The following NAA15 variants were observed in gnomAD, a reference collection of about 807,000 sequenced individuals.
NAA15 encodes the protein N-alpha-acetyltransferase 15, NatA auxiliary subunit, also known as N-terminal acetyltransferase.
In NAA15, 34 loss-of-function variants were observed where a neutral mutation model predicts 114.0. The ratio of observed to expected loss-of-function variants is 0.30; its 90% confidence interval spans 0.23 to 0.40. The LOEUF (loss-of-function observed/expected upper bound fraction) is 0.40. Ranked by LOEUF, NAA15 falls within the 10% of genes least tolerant of loss-of-function variation. NAA15 has a pLI of 1.00. For synonymous variants in NAA15, 340 were observed against 338.0 expected, an observed-to-expected ratio of 1.01 and a Z score of -0.06; for missense variants, 658 against 1,004.5, an observed-to-expected ratio of 0.66 and a Z score of 4.66.
intron 1 of NAA15, 74 bp downstream of exon 1, chr4:139,301,905 C>T: frequency 6.7e-7 from 1 of 1,490,432 alleles, no homozygotes; most frequent in Non-Finnish European, 9.1e-7. Flanking sequence ...TAACCTCGGC[C>T]CGGCGGGCAC....
intron 15 of NAA15, among the ~76,000 whole-genome samples, chr4:139,373,112 G>T (rs987768970): frequency 1.3e-5 from 2 of 151,996 alleles, no homozygotes; most frequent in African/African-American, 4.8e-5. Context: ...AAACTCTTGG[G>T]CTCAAGGGAT....
intron 1 of NAA15, among the ~76,000 whole-genome samples, chr4:139,312,950 G>C (rs1746269071): frequency 6.6e-6 from 1 of 151,920 alleles, no homozygotes; most frequent in African/African-American, 2.4e-5. Flanking sequence ...TCTTTGGTTA[G>C]TATAATATGA....
At chr4:139,362,609 A>G (rs1369720907) in intron 14 of NAA15, among the ~76,000 whole-genome samples, 2 of 152,154 alleles carry the variant, frequency 1.3e-5, no homozygotes, top group East Asian at 1.9e-4. Flanking sequence ...CCTCTTTTTA[A>G]TAGTAATTTA....
chr4:139,309,985 C>G (rs564419486), intron 1 of NAA15, among the ~76,000 whole-genome samples: 2 of 152,124 alleles, frequency 1.3e-5, no homozygotes, highest in Non-Finnish European at 2.9e-5. Context: ...TGAACAGTTT[C>G]CAGAGGGGCG....
At chr4:139,371,263 C>T (rs1748427666) in intron 15 of NAA15, among the ~76,000 whole-genome samples, 2 of 151,886 alleles carry the variant, frequency 1.3e-5, no homozygotes, top group South Asian at 2.1e-4. Flanking sequence ...ATTCTGTCCA[C>T]CAGAGCAGGT....
chr4:139,371,512 C>CACACACACAG (rs1748439429), intron 15 of NAA15, among the ~76,000 whole-genome samples: 1 of 143,210 alleles, frequency 7.0e-6, no homozygotes, highest in Non-Finnish European at 1.5e-5. Flanking sequence ...CACACACACA[C>CACACACACAG]ACACACACAC....
Position 139,301,749 on chromosome 4 carries a change from TGGCGGGAGC to T in NAA15, c.-28_-20del, listed in dbSNP as rs1745758599. The T allele has an allele frequency of 6.4e-7, 1 of 1,554,208 alleles. No individual in the cohort carries two copies. Among genetic ancestry groups the T allele is most frequent in the Non-Finnish European group, 8.7e-7 (1 of 1,147,892 alleles). The stretch of plus-strand genomic sequence containing the variant: ...CAAACTGACTGACCGAGCCGGGTGG[TGGCGGGAGC>T]AGCGGGAGCAGCCGGAACGATGCCG... On this transcript the variant is annotated 5_prime_UTR_variant, in exon 1 of 20. Coordinates refer to ENST00000296543, the MANE Select transcript of NAA15 (RefSeq NM_057175.5).
In NAA15 at chr4:139,361,942, A is replaced by C; in HGVS notation, c.1753+5A>C. The C allele has an allele frequency of 6.3e-7, 1 of 1,591,770 alleles. No individual in the cohort carries two copies. The highest frequency in any genetic ancestry group is 2.3e-5 in the East Asian group (1 of 44,280). ...AAGAACACGAAGCTGATACAGGTAT[A>C]ATATTCAGAGTTCTTCTTGTGCTCT... is the stretch of plus-strand genomic sequence containing the variant. On this transcript the variant is annotated splice_donor_5th_base_variant and intron_variant, in intron 14 of 19. Coordinates refer to ENST00000296543, the MANE Select transcript of NAA15 (RefSeq NM_057175.5).
Position 139,370,352 on chromosome 4 carries a change from A to T in NAA15, c.1895A>T (p.Asp632Val). ...RNQKKKKDDD[D>V]EEIGGPKEEL... ...CAGAAAAAGAAGAAGGATGATGATG[A>T]TGAGGAGATAGGAGGTCCAAAAGAA... The change falls in exon 15 of 20, where the codon GAT becomes GTT. Residue 632 changes from aspartate to valine, a missense_variant. By Grantham distance (152) the Asp-to-Val change is radical. Transcript: ENST00000296543. The T allele has an allele frequency of 6.3e-7, 1 of 1,593,834 alleles. No individual in the cohort carries two copies. Among genetic ancestry groups the T allele is most frequent in the Non-Finnish European group, 8.5e-7 (1 of 1,171,596 alleles).
chr4:139,370,661 G>A (rs938089912), intron 15 of NAA15, among the ~76,000 whole-genome samples: 2 of 152,184 alleles, frequency 1.3e-5, no homozygotes, highest in African/African-American at 2.4e-5. Context: ...GAGTCATTCA[G>A]ATCTGGGTCC....
chr4:139,353,908 G>A, intron 9 of NAA15, 118 bp from the exon 10 acceptor site: 1 of 696,834 alleles, frequency 1.4e-6, no homozygotes, highest in Non-Finnish European at 2.4e-6. Context: ...TTTTAATAAA[G>A]GAGGGTGTGT....
rs766885944 is a variant in NAA15 at position 139,386,192 on chromosome 4, A to G, written c.2362A>G (p.Thr788Ala). The change falls in exon 19 of 20, where the codon ACA becomes GCA. Residue 788 changes from threonine (T) to alanine (A), a missense_variant. Transcript: ENST00000296543. The stretch of plus-strand genomic sequence containing the variant: ...TCAGAAGCGAGCTATAGAGTTGGCA[A>G]CAACACTTGATGAATCTCTCACTAA... ...SSQKRAIELA[T>A]TLDESLTNRN... 9.3e-6 allele frequency: 15 copies of G among 1,610,784 alleles called. No homozygotes were observed. Among genetic ancestry groups the G allele is most frequent in the East Asian group, 2.2e-5 (1 of 44,692 alleles).
intron 1 of NAA15, among the ~76,000 whole-genome samples, chr4:139,317,955 T>TA (rs1284545245): frequency 1.3e-5 from 2 of 152,244 alleles, no homozygotes; most frequent in African/African-American, 2.4e-5. Context: ...TCAAGTGACA[T>TA]AATTTCATGC....
At chr4:139,338,413 C>T (rs1747269412) in intron 3 of NAA15, among the ~76,000 whole-genome samples, 1 of 152,082 alleles carries the variant, frequency 6.6e-6, no homozygotes, top group Non-Finnish European at 1.5e-5. Context: ...TTAGTTCATG[C>T]ATGCCATCCT....
intron 1 of NAA15, among the ~76,000 whole-genome samples, chr4:139,321,476 T>TTG (rs1553993357): frequency 6.7e-6 from 1 of 148,382 alleles, no homozygotes; most frequent in Non-Finnish European, 1.5e-5. Context: ...TATTTGTTTT[T>TTG]TTTTTTTTTT....
At chr4:139,325,867 C>T (rs1467249620) in intron 1 of NAA15, among the ~76,000 whole-genome samples, 3 of 151,960 alleles carry the variant, frequency 2.0e-5, no homozygotes, top group Non-Finnish European at 4.4e-5. Context: ...TCAAGCGATC[C>T]TCTCACCTCA....
chr4:139,305,578 C>T (rs1252198768), intron 1 of NAA15, among the ~76,000 whole-genome samples: 1 of 144,918 alleles, frequency 6.9e-6, no homozygotes, highest in African/African-American at 2.6e-5. Context: ...GCTTTTGTTG[C>T]CCAGGCTGGA....
chr4:139,312,612 A>G (rs994118422), intron 1 of NAA15, among the ~76,000 whole-genome samples: 3 of 151,822 alleles, frequency 2.0e-5, no homozygotes, highest in African/African-American at 7.3e-5. Context: ...TGGGAGGCCA[A>G]TGTGGAAAAT....
intron 1 of NAA15, among the ~76,000 whole-genome samples, chr4:139,322,093 G>A (rs1429651926): frequency 6.6e-6 from 1 of 152,110 alleles, no homozygotes; most frequent in Non-Finnish European, 1.5e-5. Context: ...TTTGAGGCTT[G>A]TTTTTAAGTT....
Sources: allele counts gnomAD v4.1 joint callset (sites outside exome capture counted in the v4.1 genomes callset), GRCh38; gene constraint gnomAD v4.1.1; transcripts MANE v1.5; gene names NCBI Gene and HGNC (gene_info 2026-07-23, HGNC 2026-07-21).